ZNF226: variants seen among roughly 807,000 people sequenced by gnomAD.
ZNF226 encodes the protein zinc finger protein 226.
ZNF226 carries 6 observed loss-of-function variants against 11.4 expected under a neutral mutation model. The observed-to-expected ratio is 0.53, with a 90% CI of 0.29 to 1.04. The LOEUF (loss-of-function observed/expected upper bound fraction) is 1.04, where lower values mean the gene tolerates loss of function less well. Ranked by LOEUF, ZNF226 falls within the 50% of genes least tolerant of loss-of-function variation. The pLI, the probability that ZNF226 is intolerant of heterozygous loss-of-function variation, is 0.08. For missense variants in ZNF226, 1,058 were observed against 956.5 expected (o/e 1.11, Z -1.40); for synonymous variants, 350 against 322.8 (o/e 1.08, Z -0.90).
chr19:44,170,598 G>A (rs1969972382), intron 3 of ZNF226, among the ~76,000 whole-genome samples: 1 of 152,194 alleles, frequency 6.6e-6, no homozygotes, highest in Non-Finnish European at 1.5e-5. Context: ...GCCAGGCGTG[G>A]TTGCAGGCAC....
intron 2 of ZNF226, among the ~76,000 whole-genome samples, 172 bp from the exon 3 acceptor site, chr19:44,169,863 A>G (rs1323560837): frequency 2.0e-5 from 3 of 152,194 alleles, no homozygotes; most frequent in Non-Finnish European, 2.9e-5. Context: ...GTTCTGAACT[A>G]CTGCTGAAAG....
In ZNF226 at chr19:44,175,816, A is replaced by G. The variant is rs756211992; in HGVS notation, c.554A>G (p.Asn185Ser). The G allele has an allele frequency of 1.2e-6, 2 of 1,613,684 alleles. No individual in the cohort carries two copies. The highest frequency in any genetic ancestry group is 1.7e-6 in the Non-Finnish European group (2 of 1,179,844). The change falls in exon 6 of 6, where the codon AAC becomes AGC. Residue 185 changes from asparagine (N) to serine (S), a missense_variant. Coordinates refer to ENST00000337433, the MANE Select transcript of ZNF226 (RefSeq NM_001032373.2). The part of the protein sequence containing the change: ...KTFLTESQRL[N>S]RDQQISIKNK... ...TTCCTGACTGAGTCACAGAGATTGA[A>G]CAGAGATCAGCAAATTTCCATAAAA... is the stretch of plus-strand genomic sequence containing the variant.
Position 44,172,172 on chromosome 19 carries a change from C to G in ZNF226, c.100C>G (p.Arg34Gly), listed in dbSNP as rs377744592. Residue 34 changes from arginine (R) to glycine (G), a missense_variant, in exon 4 of 6, where the codon CGA becomes GGA. Physicochemically the swap from Arg to Gly is moderately radical, Grantham distance 125 (BLOSUM62 -2). Coordinates refer to ENST00000337433, the MANE Select transcript of ZNF226 (RefSeq NM_001032373.2). ...GGGCCCTGCCCAGAGGAAGCTGTAC[C>G]GAGATGTGATGGTGGAGAACTTTAG... ...LLGPAQRKLY[R>G]DVMVENFRNL... The G allele has an allele frequency of 6.2e-7, 1 of 1,612,870 alleles. No homozygotes were observed. Among genetic ancestry groups the G allele is most frequent in the Non-Finnish European group, 8.5e-7 (1 of 1,179,228 alleles).
rs375449131 is a variant in ZNF226, at chr19:44,177,482, A to G, written c.2220A>G (p.Ser740=). The G allele has an allele frequency of 9.3e-6, 15 of 1,614,110 alleles. No homozygotes were observed. The highest frequency in any genetic ancestry group is 1.3e-5 in the Non-Finnish European group (15 of 1,180,046). Residue 740 remains serine (S), a synonymous_variant, in exon 6 of 6, where the codon TCA becomes TCG. Transcript: ENST00000337433. ...GTGGTAAAGTCTTCAGTCGGTCTTCACAACTACAGTCTCATCAGCGAGTTC... is the reference window on the plus strand; with the variant it reads ...GTGGTAAAGTCTTCAGTCGGTCTTCGCAACTACAGTCTCATCAGCGAGTTC... ...DVCGKVFSRS[S]QLQSHQRVHT...
At chr19:44,193,114 C>T in the ZNF226 span, among the ~76,000 whole-genome samples, 1 of 152,012 alleles carries the variant, frequency 6.6e-6, no homozygotes, top group African/African-American at 2.4e-5. Flanking sequence ...ACCTAAGTCA[C>T]ACAAATTTTT....
At position 44,177,098 on chromosome 19, in the gene ZNF226, G is replaced by A; in HGVS notation, c.1836G>A (p.Glu612=). 1 of 1,614,116 alleles carries A rather than the reference G, an allele frequency of 6.2e-7. No individual in the cohort carries two copies. Among genetic ancestry groups the A allele is most frequent in the South Asian group, 1.1e-5 (1 of 91,082 alleles). ...LKIHCRIHTG[E]KPYNCEECGK... ...TTCACTGTAGGATCCACACAGGAGAGAAACCATATAATTGTGAGGAGTGTG... is the reference window on the plus strand; with the variant it reads ...TTCACTGTAGGATCCACACAGGAGAAAAACCATATAATTGTGAGGAGTGTG... The change falls in exon 6 of 6, where the codon GAG becomes GAA. Residue 612 remains glutamate (E), a synonymous_variant. Transcript: ENST00000337433.
In ZNF226 at chr19:44,175,598, C is replaced by A; in HGVS notation, c.336C>A (p.Thr112=). ...GGCAACAAATTGCAAATGACTTAAC[C>A]AGGTGTCAAGACTCCATGATCAATA... ...QIWQQIANDL[T]RCQDSMINNS... Residue 112 remains threonine, a synonymous_variant, in exon 6 of 6, where the codon ACC becomes ACA. Coordinates refer to ENST00000337433, the MANE Select transcript of ZNF226 (RefSeq NM_001032373.2). 1 of 1,613,552 alleles carries A rather than the reference C, an allele frequency of 6.2e-7. No individual in the cohort carries two copies. The highest frequency in any genetic ancestry group is 1.3e-5 in the African/African-American group (1 of 75,030).
At chr19:44,192,338 A>AGAGG in the ZNF226 span, among the ~76,000 whole-genome samples, 1 of 152,144 alleles carries the variant, frequency 6.6e-6, no homozygotes, top group Admixed American at 6.5e-5. Context: ...GAGAGGTGAG[A>AGAGG]GAGGGAGAGA....
the ZNF226 span, among the ~76,000 whole-genome samples, chr19:44,191,495 A>T: frequency 6.6e-6 from 1 of 152,148 alleles, no homozygotes; most frequent in East Asian, 1.9e-4. Flanking sequence ...ATTCCCATAC[A>T]ATTAATCAAA....
chr19:44,176,097 T>G lies in ZNF226; in HGVS notation c.835T>G (p.Ser279Ala), dbSNP rs756762332. Reference sequence around the variant, plus strand: ...TCAGCAGTTACAATCAGGAGAGAAGTCTCTTACATGTGTTGAGCGTGGAAA... The same window carrying G: ...TCAGCAGTTACAATCAGGAGAGAAGGCTCTTACATGTGTTGAGCGTGGAAA... Reference protein sequence around the residue: ...LHQQLQSGEKSLTCVERGKGF... With the variant: ...LHQQLQSGEKALTCVERGKGF... The change falls in exon 6 of 6, where the codon TCT becomes GCT. Residue 279 changes from serine to alanine, a missense_variant. Transcript: ENST00000337433. 1 of 1,614,170 alleles carries G rather than the reference T, an allele frequency of 6.2e-7. No individual in the cohort carries two copies. Among genetic ancestry groups the G allele is most frequent in the Non-Finnish European group, 8.5e-7 (1 of 1,180,026 alleles).
downstream of ZNF226, chr19:44,177,721 C>G (rs774658813): frequency 5.1e-5 from 77 of 1,518,580 alleles, no homozygotes; most frequent in South Asian, 9.8e-4. Flanking sequence ...GTTATCAAGT[C>G]TCAAAGTCAG....
the ZNF226 span, among the ~76,000 whole-genome samples, chr19:44,192,922 C>T: frequency 6.6e-6 from 1 of 151,990 alleles, no homozygotes; most frequent in African/African-American, 2.4e-5. Context: ...TTGATAAAAC[C>T]TGTGAATAAT....
At chr19:44,194,981 C>A in the ZNF226 span, among the ~76,000 whole-genome samples, 1 of 152,110 alleles carries the variant, frequency 6.6e-6, no homozygotes, top group Non-Finnish European at 1.5e-5. Context: ...GAAGCGTGCT[C>A]ACAAAAATTT....
At chr19:44,172,528 G>T in intron 4 of ZNF226, 1 of 404,970 alleles carries the variant, frequency 2.5e-6, no homozygotes, top group Non-Finnish European at 4.4e-6. Flanking sequence ...ATAAAATAGG[G>T]TAGAAAATAC....
In ZNF226 at chr19:44,177,231, C is replaced by T; in HGVS notation, c.1969C>T (p.His657Tyr). The T allele has an allele frequency of 6.2e-7, 1 of 1,612,854 alleles. No individual in the cohort carries two copies. Among genetic ancestry groups the T allele is most frequent in the Non-Finnish European group, 8.5e-7 (1 of 1,179,662 alleles). ...TGGGAAGAGTTTCGGTCGGAGTGCACATCTTCAAGCCCATCAAAAAGTCCA... is the reference window on the plus strand; with the variant it reads ...TGGGAAGAGTTTCGGTCGGAGTGCATATCTTCAAGCCCATCAAAAAGTCCA... ...ECGKSFGRSA[H>Y]LQAHQKVHTG... The change falls in exon 6 of 6, where the codon CAT becomes TAT. Residue 657 changes from histidine to tyrosine, a missense_variant. By Grantham distance (83) the His-to-Tyr change is moderately conservative. Transcript: ENST00000337433.
chr19:44,192,587 A>T, the ZNF226 span, among the ~76,000 whole-genome samples: 7 of 152,182 alleles, frequency 4.6e-5, no homozygotes, highest in Non-Finnish European at 7.4e-5. Context: ...TCATCAAATC[A>T]TGTGCAATGA....
the ZNF226 span, among the ~76,000 whole-genome samples, chr19:44,189,885 A>C: frequency 1.6e-4 from 25 of 152,204 alleles, no homozygotes; most frequent in Admixed American, 5.2e-4. Flanking sequence ...CATGACCCAC[A>C]AATCAGGCAT....
chr19:44,167,275 C>T (rs1375496598), intron 2 of ZNF226, among the ~76,000 whole-genome samples: 2 of 147,634 alleles, frequency 1.4e-5, no homozygotes, highest in African/African-American at 5.0e-5. Flanking sequence ...ATCTCGTCAT[C>T]GTTATTATTC....
chr19:44,176,279 A>T lies in ZNF226; in HGVS notation c.1017A>T (p.Gln339His), dbSNP rs573383435. ...HVIEKPYKCK[Q>H]CGKGFSRRSA... ...TAGAGAAACCATACAAATGTAAGCAATGTGGGAAAGGTTTCAGTCGTAGAT... is the reference window on the plus strand; with the variant it reads ...TAGAGAAACCATACAAATGTAAGCATTGTGGGAAAGGTTTCAGTCGTAGAT... The change falls in exon 6 of 6, where the codon CAA (glutamine) becomes CAT (histidine). Residue 339 changes from glutamine to histidine, a missense_variant. Coordinates refer to ENST00000337433, the MANE Select transcript of ZNF226 (RefSeq NM_001032373.2). 1 of 1,614,176 alleles carries T rather than the reference A, an allele frequency of 6.2e-7. No homozygotes were observed. The highest frequency in any genetic ancestry group is 1.1e-5 in the South Asian group (1 of 91,088).
Sources: allele counts gnomAD v4.1 joint callset (sites outside exome capture counted in the v4.1 genomes callset), GRCh38; gene constraint gnomAD v4.1.1; transcripts MANE v1.5; gene names NCBI Gene and HGNC (gene_info 2026-07-23, HGNC 2026-07-21).